The following OTULIN variants were observed in gnomAD, a reference collection of about 807,000 sequenced individuals.
The protein encoded by OTULIN is OTU deubiquitinase with linear linkage specificity.
In OTULIN, 15 loss-of-function variants were observed where a neutral mutation model predicts 39.6. That is an observed-to-expected ratio of 0.38 (90% CI 0.25 to 0.58). The LOEUF (loss-of-function observed/expected upper bound fraction) is 0.58. Ranked by LOEUF, OTULIN falls within the 20% of genes least tolerant of loss-of-function variation. OTULIN has a pLI of 0.66. For synonymous variants in OTULIN, 156 were observed against 170.3 expected (o/e 0.92, Z 0.65); for missense variants, 319 against 445.9 (o/e 0.72, Z 2.56).
chr5:14,681,105 T>C (rs995916677), intron 3 of OTULIN, among the ~76,000 whole-genome samples: 2 of 152,184 alleles, frequency 1.3e-5, no homozygotes, highest in Non-Finnish European at 2.9e-5. Context: ...TCCTGGCATA[T>C]AGACTTTTAT....
chr5:14,712,807 G>A, the OTULIN span: 2 of 1,451,044 alleles, frequency 1.4e-6, no homozygotes, highest in East Asian at 4.9e-5. Flanking sequence ...CTGGTCAGTG[G>A]CTGCTCAGGT....
chr5:14,713,770 G>A, the OTULIN span: 20 of 1,526,802 alleles, frequency 1.3e-5, no homozygotes, highest in East Asian at 4.5e-4. The surrounding 1 kb of genome is among the most constrained non-coding windows in gnomAD (Gnocchi z 4.4). Context: ...GGGCTGCCTA[G>A]GACCCTGGCC....
chr5:14,691,846 T>C (rs1736536250), intron 6 of OTULIN, among the ~76,000 whole-genome samples: 1 of 152,210 alleles, frequency 6.6e-6, no homozygotes, highest in Non-Finnish European at 1.5e-5. Flanking sequence ...ATATAATATG[T>C]GGTCTTTTGT....
rs981862002 is a variant in OTULIN, at chr5:14,682,933, TG to T, written c.468+1330del. On this transcript the variant is annotated intron_variant, in intron 4 of 6. Transcript: ENST00000284274. ...ACATTCTGGGAGCCATTGAAGGAAC[TG>T]GGGTGTTTTCCTAGAATAAAGAAGA... 3.4e-4 allele frequency among the ~76,000 whole-genome samples: 51 copies of T among 152,238 alleles called. No individual in the cohort carries two copies. In the South Asian group the frequency reaches 3.5e-3, roughly 11 times the overall value.
At chr5:14,711,278 C>G in the OTULIN span, 4 of 1,614,158 alleles carry the variant, frequency 2.5e-6, no homozygotes, top group East Asian at 8.9e-5. Flanking sequence ...AGTCTTCCCC[C>G]TCCGTGGCCG....
chr5:14,707,710 T>C, the OTULIN span: 2 of 152,298 alleles, frequency 1.3e-5, no homozygotes, highest in African/African-American at 4.8e-5. Flanking sequence ...TATAAAGTGC[T>C]TTTACTATTG....
At chr5:14,711,281 C>A in the OTULIN span, 1 of 1,614,136 alleles carries the variant, frequency 6.2e-7, no homozygotes, top group South Asian at 1.1e-5. Context: ...CTTCCCCCTC[C>A]GTGGCCGACT....
At chr5:14,701,376 G>A (rs1736793300), downstream of OTULIN, among the ~76,000 whole-genome samples, 2 of 152,192 alleles carry the variant, frequency 1.3e-5, no homozygotes, top group Admixed American at 1.3e-4. Flanking sequence ...TGATCTATGA[G>A]GCCAGGGTCT....
chr5:14,709,439 C>G, the OTULIN span: 1 of 152,118 alleles, frequency 6.6e-6, no homozygotes, highest in African/African-American at 2.4e-5. Context: ...AGGACATGTC[C>G]CCACGTGGGC....
In OTULIN at chr5:14,699,567, C is replaced by T. The variant is rs1736754971; in HGVS notation, c.*6519C>T. On this transcript the variant is annotated 3_prime_UTR_variant, in exon 7 of 7. Transcript: ENST00000284274. ...CCCTCTACTTGTCTGAATTACGATG[C>T]TCTGCTCAACTCTGTGGACAGTGTT... 2 of 152,202 alleles carry T rather than the reference C, an allele frequency of 1.3e-5. No homozygotes were observed. Among genetic ancestry groups the T allele is most frequent in the Non-Finnish European group, 2.9e-5 (2 of 68,050 alleles). 9.4% of individuals were successfully genotyped at this position (152,202 alleles called of 1,614,324 possible).
rs1736605413 is a variant in OTULIN at position 14,694,155 on chromosome 5, A to G, written c.*1107A>G. The G allele has an allele frequency of 6.6e-6, 1 of 152,162 alleles. No individual in the cohort carries two copies. The highest frequency in any genetic ancestry group is 1.5e-5 in the Non-Finnish European group (1 of 68,066). 9.4% of individuals were successfully genotyped at this position (152,162 alleles called of 1,614,324 possible). A position where few individuals can be genotyped will look rare whatever the true frequency, so the allele number is the denominator to read the frequency against. ...GCAAACCATCTTAAAATTTTTCATGAGTACATTTAAGCGGAAGCATACGGG... is the reference window on the plus strand; with the variant it reads ...GCAAACCATCTTAAAATTTTTCATGGGTACATTTAAGCGGAAGCATACGGG... On this transcript the variant is annotated 3_prime_UTR_variant, in exon 7 of 7. Coordinates refer to ENST00000284274, the MANE Select transcript of OTULIN (RefSeq NM_138348.6).
At chr5:14,674,333 C>G (rs1368182764) in intron 2 of OTULIN, among the ~76,000 whole-genome samples, 1 of 152,240 alleles carries the variant, frequency 6.6e-6, no homozygotes, top group Non-Finnish European at 1.5e-5. Flanking sequence ...CCTGAGTGGC[C>G]TCATGCAGGA....
In OTULIN at chr5:14,687,567, A is replaced by C; in HGVS notation, c.515A>C (p.Lys172Thr). Residue 172 changes from lysine to threonine, a missense_variant, in exon 5 of 7, where the codon AAA becomes ACA. Around this residue, in one of 4 missense-constraint regions of OTULIN, gnomAD observed 54 missense variants for 50.7 expected, o/e 1.07. Transcript: ENST00000284274. ...AAATACAACTGGATCAAGCAATGGA[A>C]ACTTGGACTGAAATTTGATGGGAAG... is the stretch of plus-strand genomic sequence containing the variant. ...ISKYNWIKQW[K>T]LGLKFDGKNE... 2.5e-6 allele frequency: 4 copies of C among 1,614,156 alleles called. No individual in the cohort carries two copies. The highest frequency in any genetic ancestry group is 3.4e-6 in the Non-Finnish European group (4 of 1,180,022).
At chr5:14,667,242 C>G (rs73749526) in intron 1 of OTULIN, among the ~76,000 whole-genome samples, 1 of 152,250 alleles carries the variant, frequency 6.6e-6, no homozygotes, top group East Asian at 1.9e-4. Flanking sequence ...GCTGTGGTGA[C>G]GAGTAGAGAA....
At chr5:14,665,569 A>C (rs1045220897) in intron 1 of OTULIN, among the ~76,000 whole-genome samples, 10 of 152,132 alleles carry the variant, frequency 6.6e-5, no homozygotes, top group African/African-American at 2.4e-4. Flanking sequence ...AAGAGTTCCT[A>C]ATTTCTGCAA....
At chr5:14,685,718 C>G (rs1047789081) in intron 4 of OTULIN, among the ~76,000 whole-genome samples, 1 of 152,170 alleles carries the variant, frequency 6.6e-6, no homozygotes, top group Non-Finnish European at 1.5e-5. Context: ...ACTGTACCTA[C>G]TTTTTAGATA....
chr5:14,683,569 A>C (rs558947833), intron 4 of OTULIN, among the ~76,000 whole-genome samples: 2 of 152,034 alleles, frequency 1.3e-5, no homozygotes, highest in African/African-American at 4.8e-5. Context: ...TATATGACAC[A>C]ATTTCTAGAT....
At chr5:14,710,892 G>T in the OTULIN span, 1 of 395,962 alleles carries the variant, frequency 2.5e-6, no homozygotes, top group African/African-American at 2.1e-5. Context: ...ATTGTCCAGG[G>T]GAGGAGGACA....
At chr5:14,678,549 C>A (rs1166146721) in intron 2 of OTULIN, 132 bp from the exon 3 acceptor site, 1 of 634,354 alleles carries the variant, frequency 1.6e-6, no homozygotes, top group Non-Finnish European at 2.7e-6. Flanking sequence ...AGCGGTTAGG[C>A]AGTGGTTGAA....
Sources: allele counts gnomAD v4.1 joint callset (sites outside exome capture counted in the v4.1 genomes callset), GRCh38; gene constraint gnomAD v4.1.1; regional missense constraint gnomAD v4.1.1; non-coding constraint Gnocchi (gnomAD v3.1); transcripts MANE v1.5; gene names NCBI Gene and HGNC (gene_info 2026-07-23, HGNC 2026-07-21).